DLL3: variants seen among roughly 807,000 people sequenced by gnomAD.
DLL3 encodes delta-like protein 3.
DLL3 carries 49 observed loss-of-function variants against 55.0 expected under a neutral mutation model. The ratio of observed to expected loss-of-function variants is 0.89; its 90% CI spans 0.71 to 1.13. The LOEUF (loss-of-function observed/expected upper bound fraction) is 1.13, where lower values mean the gene tolerates loss of function less well. DLL3 is among the 50% of genes most tolerant of loss of function. The pLI is 0.00. For missense variants in DLL3, 962 were observed against 875.5 expected, an observed-to-expected ratio of 1.10 and a Z score of -1.25; for synonymous variants, 421 against 385.2, an observed-to-expected ratio of 1.09 and a Z score of -1.09.
intron 2 of DLL3, 106 bp from the exon 3 acceptor site, chr19:39,500,509 C>T: frequency 9.7e-7 from 1 of 1,035,608 alleles, no homozygotes; most frequent in Admixed American, 1.7e-5. Context: ...TTGCTCAGTC[C>T]CCAGCAATGG....
At chr19:39,500,711 G>A (rs1478429726) in intron 3 of DLL3, 39 bp downstream of exon 3, 1 of 1,571,668 alleles carries the variant, frequency 6.4e-7, no homozygotes, top group South Asian at 1.1e-5. Context: ...GGGAGCTGGG[G>A]CCCACGTGAG....
intron 8 of DLL3, 104 bp downstream of exon 8, chr19:39,508,018 G>C (rs2079655548): frequency 6.2e-7 from 1 of 1,611,796 alleles, no homozygotes; most frequent in Non-Finnish European, 8.5e-7. Flanking sequence ...AAATGAATTG[G>C]GTAGAGTCTC....
intron 4 of DLL3, 138 bp from the exon 5 acceptor site, chr19:39,503,933 G>C: frequency 1.2e-6 from 1 of 852,186 alleles, no homozygotes; most frequent in Non-Finnish European, 1.9e-6. Context: ...GTACCATCTA[G>C]TCCCGATGAT....
At chr19:39,505,545 A>T (rs951697382) in intron 6 of DLL3, 94 bp downstream of exon 6, 2 of 1,428,322 alleles carry the variant, frequency 1.4e-6, no homozygotes, top group African/African-American at 2.8e-5. Context: ...GACTCTTCTA[A>T]CCCTAGGGCC....
rs143468961 is a variant in DLL3 at position 39,500,635 on chromosome 19, C to T, written c.372C>T (p.Ile124=). 1.5e-4 allele frequency: 240 copies of T among 1,613,572 alleles called. No homozygotes were observed. In the African/African-American group the frequency reaches 2.8e-3, roughly 19 times the overall value. Residue 124 remains isoleucine, a synonymous_variant, in exon 3 of 9, where the codon ATC becomes ATT. Transcript: ENST00000356433. ...ACCAGGGCACCTTCTCTTTCATCAT[C>T]GAAACCTGGAGAGAGGAGTTAGGAG... ...DAWPGTFSFI[I]ETWREELGDQ...
chr19:39,508,154 C>T (rs1400077961), intron 8 of DLL3, 98 bp from the exon 9 acceptor site: 5 of 1,613,868 alleles, frequency 3.1e-6, no homozygotes, highest in East Asian at 2.2e-5. Flanking sequence ...GTCACGATGC[C>T]GACTCCGCCA....
chr19:39,499,857 T>C (rs1342516046), intron 2 of DLL3, among the ~76,000 whole-genome samples: 3 of 150,160 alleles, frequency 2.0e-5, no homozygotes, highest in African/African-American at 7.3e-5. Context: ...TCTCTCTCTT[T>C]TTTTTTTTTT....
In DLL3 at chr19:39,507,061, C is replaced by A. The variant is rs1002024535; in HGVS notation, c.1116C>A (p.Gly372=). 2 of 1,540,152 alleles carry A rather than the reference C, an allele frequency of 1.3e-6. No homozygotes were observed. Among genetic ancestry groups the A allele is most frequent in the South Asian group, 2.4e-5 (2 of 84,482 alleles). Residue 372 remains glycine (G), a synonymous_variant, in exon 7 of 9, where the codon GGC becomes GGA. Transcript: ENST00000356433. The part of the protein sequence containing the change: ...CRNGGLCLDL[G]HALRCRCRAG... ...CAGGCGGACTCTGCCTGGACCTGGG[C>A]CACGCCCTGCGCTGCCGCTGCCGCG...
Position 39,503,013 on chromosome 19 carries a change from G to C in DLL3, c.608G>C (p.Gly203Ala), listed in dbSNP as rs1234613942. Residue 203 changes from glycine to alanine, a missense_variant, in exon 4 of 9, where the codon GGA becomes GCA. Transcript: ENST00000356433. The stretch of plus-strand genomic sequence containing the variant: ...AGCGCCCCCTCGCGGTGCGGTCCGG[G>C]ACTGCGCCCCTGCGCACCGCTCGAG... ...PRSAPSRCGPGLRPCAPLEDE... is the reference protein window; with the variant it reads ...PRSAPSRCGPALRPCAPLEDE... 8 of 1,508,750 alleles carry C rather than the reference G, an allele frequency of 5.3e-6. No individual in the cohort carries two copies. Among genetic ancestry groups the C allele is most frequent in the Non-Finnish European group, 5.3e-6 (6 of 1,136,112 alleles). 93.5% of individuals were successfully genotyped at this position (1,508,750 alleles called of 1,614,324 possible).
intron 6 of DLL3, among the ~76,000 whole-genome samples, chr19:39,506,384 A>T (rs2079641440): frequency 6.6e-6 from 1 of 151,244 alleles, no homozygotes; most frequent in Admixed American, 6.6e-5. Flanking sequence ...AAAAAAAAAA[A>T]GATCATGAAT....
At chr19:39,499,822 C>T (rs942725348) in intron 2 of DLL3, among the ~76,000 whole-genome samples, 2 of 151,680 alleles carry the variant, frequency 1.3e-5, no homozygotes, top group African/African-American at 2.4e-5. Flanking sequence ...CCTCTCACAC[C>T]TTGTCTTGGG....
At position 39,502,669 on chromosome 19, in the gene DLL3, T is replaced by C. The variant is rs921941555; in HGVS notation, c.410-146T>C. 7 of 1,032,520 alleles carry C rather than the reference T, an allele frequency of 6.8e-6. No individual in the cohort carries two copies. The African/African-American group carries it at 1.0e-4, about 15-fold the overall frequency. 64.0% of individuals were successfully genotyped at this position (1,032,520 alleles called of 1,614,324 possible). ...CTAAAGTAGAGGGTGACTGCCATTC[T>C]ACTCGCGAGGTCCAAGGACCCCAGG... On this transcript the variant is annotated intron_variant, in intron 3 of 8. Coordinates refer to ENST00000356433, the MANE Select transcript of DLL3 (RefSeq NM_203486.3).
intron 3 of DLL3, among the ~76,000 whole-genome samples, chr19:39,501,048 G>A (rs2079607084): frequency 6.6e-6 from 1 of 151,598 alleles, no homozygotes; most frequent in South Asian, 2.1e-4. Context: ...CGTCCAGGCT[G>A]GAGTGCAATG....
At position 39,502,860 on chromosome 19, in the gene DLL3, T is replaced by C; in HGVS notation, c.455T>C (p.Leu152Ser). ...GCGCGCGTGGCTGGCAGGCGGCGCT[T>C]GGCAGCCGGAGGCCCGTGGGCCCGG... is the stretch of plus-strand genomic sequence containing the variant. ...LLARVAGRRR[L>S]AAGGPWARDI... Residue 152 changes from leucine to serine, a missense_variant, in exon 4 of 9, where the codon TTG becomes TCG. By Grantham distance (145) the Leu-to-Ser change is moderately radical (BLOSUM62 -2). Coordinates refer to ENST00000356433, the MANE Select transcript of DLL3 (RefSeq NM_203486.3). 1 of 1,413,974 alleles carries C rather than the reference T, an allele frequency of 7.1e-7. No homozygotes were observed. Among genetic ancestry groups the C allele is most frequent in the South Asian group, 1.5e-5 (1 of 67,222 alleles). 87.6% of individuals were successfully genotyped at this position (1,413,974 alleles called of 1,614,324 possible). A position where few individuals can be genotyped will look rare whatever the true frequency, so the allele number is the denominator to read the frequency against.
intron 3 of DLL3, 128 bp from the exon 4 acceptor site, chr19:39,502,687 A>G: frequency 8.4e-7 from 1 of 1,188,164 alleles, no homozygotes; most frequent in Non-Finnish European, 1.1e-6. Flanking sequence ...AGGTCCAAGG[A>G]CCCCAGGGCT....
chr19:39,503,611 C>T (rs2144760296), intron 4 of DLL3, among the ~76,000 whole-genome samples: 1 of 152,298 alleles, frequency 6.6e-6, no homozygotes, highest in East Asian at 1.9e-4. Flanking sequence ...AGACTTCTCC[C>T]CAAATTTCAG....
At position 39,508,462 on chromosome 19, in the gene DLL3, T is replaced by C; in HGVS notation, c.*205T>C. On this transcript the variant is annotated 3_prime_UTR_variant, in exon 9 of 9. Transcript: ENST00000356433. ...TAGAAACACCTATAAAGGCTATTAT[T>C]GTGATCAGTTTTGACTAACGAGGCT... The C allele has an allele frequency of 1.6e-6, 1 of 637,242 alleles. No individual in the cohort carries two copies. Among genetic ancestry groups the C allele is most frequent in the Non-Finnish European group, 2.7e-6 (1 of 365,274 alleles). The allele number at this position is 637,242 out of a possible 1,614,324, so 39.5% of individuals were successfully genotyped here. A position where few individuals can be genotyped will look rare whatever the true frequency, so the allele number is the denominator to read the frequency against.
chr19:39,501,905 G>A (rs747945997), intron 3 of DLL3, among the ~76,000 whole-genome samples: 2 of 152,144 alleles, frequency 1.3e-5, no homozygotes, highest in African/African-American at 4.8e-5. Context: ...CTGGGTCAAG[G>A]CCCGGCGCGG....
chr19:39,506,577 T>C (rs1280072733), intron 6 of DLL3, among the ~76,000 whole-genome samples: 1 of 150,008 alleles, frequency 6.7e-6, no homozygotes, highest in Non-Finnish European at 1.5e-5. Flanking sequence ...GAGCCCAGGG[T>C]GGGTGGTCAG....
Sources: allele counts gnomAD v4.1 joint callset (sites outside exome capture counted in the v4.1 genomes callset), GRCh38; gene constraint gnomAD v4.1.1; transcripts MANE v1.5; gene names NCBI Gene and HGNC (gene_info 2026-07-23, HGNC 2026-07-21).